The following FNBP1 variants were observed in gnomAD, a reference collection of about 807,000 sequenced individuals.
The protein encoded by FNBP1 is formin binding protein 1.
A neutral mutation model predicts 90.6 loss-of-function variants in FNBP1; 26 were observed. The observed-to-expected ratio is 0.29, with a 90% CI of 0.21 to 0.40. FNBP1 has a LOEUF of 0.40. FNBP1 is among the 10% of genes least tolerant of loss of function. The pLI, the probability that FNBP1 is intolerant of heterozygous loss-of-function variation, is 1.00. For synonymous variants in FNBP1, 260 were observed against 265.2 expected (o/e 0.98, Z 0.19); for missense variants, 635 against 768.0 (o/e 0.83, Z 2.05).
chr9:130,021,778 G>A (rs536516313), intron 1 of FNBP1, among the ~76,000 whole-genome samples: 1 of 152,110 alleles, frequency 6.6e-6, no homozygotes, highest in African/African-American at 2.4e-5. Flanking sequence ...CATTTGCATT[G>A]GCTTTTAAAT....
chr9:129,992,338 G>A (rs1033944784), intron 2 of FNBP1, among the ~76,000 whole-genome samples: 12 of 152,220 alleles, frequency 7.9e-5, no homozygotes, highest in African/African-American at 1.7e-4. Flanking sequence ...CTTTCAGTTC[G>A]AAAAGCCCCT....
At chr9:130,022,252 T>C (rs1316267462) in intron 1 of FNBP1, among the ~76,000 whole-genome samples, 2 of 152,056 alleles carry the variant, frequency 1.3e-5, no homozygotes, top group Non-Finnish European at 2.9e-5. Flanking sequence ...ATCACCAGGC[T>C]GGAGTGTAGT....
intron 11 of FNBP1, chr9:129,910,315 T>C (rs923558882): frequency 3.5e-5 from 14 of 397,844 alleles, no homozygotes; most frequent in Non-Finnish European, 6.5e-5. Flanking sequence ...ACACCGTCTC[T>C]GCTAAAAATA....
intron 1 of FNBP1, among the ~76,000 whole-genome samples, chr9:130,012,205 C>CT (rs2056699161): frequency 6.6e-6 from 1 of 152,218 alleles, no homozygotes; most frequent in Non-Finnish European, 1.5e-5. Context: ...AATGCTGGCT[C>CT]TTTGACTACT....
At chr9:129,999,047 G>A (rs1248119095) in intron 1 of FNBP1, among the ~76,000 whole-genome samples, 1 of 152,138 alleles carries the variant, frequency 6.6e-6, no homozygotes, top group Non-Finnish European at 1.5e-5. Flanking sequence ...CTGCAGCACT[G>A]ACTTGACAGC....
chr9:130,049,654 T>A, the FNBP1 span, among the ~76,000 whole-genome samples: 6 of 151,918 alleles, frequency 3.9e-5, no homozygotes, highest in East Asian at 1.2e-3. Flanking sequence ...TGAGCCGTGA[T>A]TGCACCACCG....
intron 7 of FNBP1, among the ~76,000 whole-genome samples, chr9:129,928,684 A>G (rs1350494658): frequency 6.6e-6 from 1 of 152,080 alleles, no homozygotes; most frequent in Non-Finnish European, 1.5e-5. Flanking sequence ...AAAAAAAGAA[A>G]AAAAGAAAAA....
chr9:129,974,858 G>GAA (rs566556317), intron 4 of FNBP1, among the ~76,000 whole-genome samples: 1 of 75,178 alleles, frequency 1.3e-5, no homozygotes. Flanking sequence ...AGACCCTGAA[G>GAA]AAAAAAAAAA....
chr9:130,004,272 A>G (rs535806805), intron 1 of FNBP1, among the ~76,000 whole-genome samples: 1 of 152,204 alleles, frequency 6.6e-6, no homozygotes, highest in East Asian at 1.9e-4. Context: ...CGAAAAAAAA[A>G]AAAAGTGTAC....
Position 129,994,114 on chromosome 9 carries a change from T to C in FNBP1, c.140+729A>G, listed in dbSNP as rs2053628363. ...TGTGTTCAGATACACACAAAAAGCC[T>C]TGTACAATAATGCTCGTTGGAGCGC... On this transcript the variant is annotated intron_variant, in intron 2 of 16. Coordinates refer to ENST00000446176, the MANE Select transcript of FNBP1 (RefSeq NM_015033.3). 2.6e-5 allele frequency among the ~76,000 whole-genome samples: 4 copies of C among 152,254 alleles called. 1 individual carries two copies. The South Asian group carries it at 8.3e-4, about 32-fold the overall frequency.
At chr9:129,935,719 C>G (rs1231841843) in intron 6 of FNBP1, among the ~76,000 whole-genome samples, 1 of 152,020 alleles carries the variant, frequency 6.6e-6, no homozygotes, top group Non-Finnish European at 1.5e-5. Context: ...GATCTCCTGA[C>G]CTCGTGATCC....
intron 4 of FNBP1, among the ~76,000 whole-genome samples, chr9:129,964,762 A>G (rs773871347): frequency 6.6e-6 from 1 of 152,102 alleles, no homozygotes; most frequent in Non-Finnish European, 1.5e-5. Context: ...TCACACTGCA[A>G]TTAGGTACAA....
chr9:129,913,040 A>G (rs1020689593), intron 11 of FNBP1, among the ~76,000 whole-genome samples: 2 of 151,966 alleles, frequency 1.3e-5, no homozygotes, highest in Admixed American at 1.3e-4. Flanking sequence ...AACATGGTGA[A>G]ACCCTGTCTC....
intron 2 of FNBP1, among the ~76,000 whole-genome samples, chr9:129,982,872 G>C (rs1267434797): frequency 6.6e-6 from 1 of 152,048 alleles, no homozygotes; most frequent in African/African-American, 2.4e-5. Flanking sequence ...CCATGTTGCT[G>C]AGGCTGGTCA....
chr9:129,924,531 A>G (rs1298930443), intron 9 of FNBP1, among the ~76,000 whole-genome samples: 1 of 152,250 alleles, frequency 6.6e-6, no homozygotes, highest in African/African-American at 2.4e-5. Flanking sequence ...TATGAAAAGA[A>G]AATGAAAAAT....
Position 129,890,368 on chromosome 9 carries a change from G to C in FNBP1, c.*171C>G. 1.1e-5 allele frequency: 7 copies of C among 623,912 alleles called. No individual in the cohort carries two copies. Among genetic ancestry groups the C allele is most frequent in the Non-Finnish European group, 2.0e-5 (7 of 349,534 alleles). 38.6% of individuals were successfully genotyped at this position (623,912 alleles called of 1,614,324 possible). On this transcript the variant is annotated 3_prime_UTR_variant, in exon 17 of 17. Transcript: ENST00000446176. The surrounding 1 kb of genome is among the most constrained non-coding windows in gnomAD (Gnocchi z 5.8). ...TCCCCCACGAGGTGGCCCGGGCTGG[G>C]CGGGAGGGCAGGGCCGCAGGGAGCA... is the stretch of plus-strand genomic sequence containing the variant.
At chr9:130,011,589 A>C (rs1233462819) in intron 1 of FNBP1, among the ~76,000 whole-genome samples, 2 of 152,038 alleles carry the variant, frequency 1.3e-5, no homozygotes, top group African/African-American at 4.8e-5. Flanking sequence ...GGCAACACCA[A>C]CACCTAGATA....
At chr9:130,013,636 T>A in intron 1 of FNBP1, 1 of 450,210 alleles carries the variant, frequency 2.2e-6, no homozygotes, top group Non-Finnish European at 4.5e-6. Context: ...CCAAGAGACA[T>A]GCATATGAAT....
At chr9:129,898,856 C>T (rs2036305205) in intron 15 of FNBP1, among the ~76,000 whole-genome samples, 1 of 151,934 alleles carries the variant, frequency 6.6e-6, no homozygotes, top group Admixed American at 6.6e-5. Context: ...CGACCTGCAT[C>T]CCCCCACTTC....
Sources: gnomAD v4.1 joint callset for allele counts (sites outside exome capture counted in the v4.1 genomes callset) on GRCh38, gnomAD v4.1.1 for gene constraint, Gnocchi (gnomAD v3.1) non-coding constraint, MANE v1.5 for transcripts, NCBI Gene and HGNC (gene_info 2026-07-23, HGNC 2026-07-21) for gene names.